Variants in VWA8 observed in about 807,000 individuals in gnomAD.
VWA8 encodes von Willebrand factor A domain-containing protein 8.
A neutral mutation model predicts 241.5 loss-of-function variants in VWA8; 221 were observed. The observed-to-expected ratio is 0.91, with a 90% CI of 0.82 to 1.02. The LOEUF is 1.02. VWA8 is among the 50% of genes least tolerant of loss of function. VWA8 has a pLI of 0.00. For missense variants in VWA8, 2,322 were observed against 2,328.7 expected (o/e 1.00, Z 0.06); for synonymous variants, 852 against 827.1 (o/e 1.03, Z -0.52).
At chr13:41,577,723 G>A (rs1388478338) in intron 42 of VWA8, among the ~76,000 whole-genome samples, 1 of 152,246 alleles carries the variant, frequency 6.6e-6, no homozygotes, top group Non-Finnish European at 1.5e-5. Flanking sequence ...TCTTACACAT[G>A]AGGGAATAAG....
At chr13:41,588,722 GAAA>G (rs35503733) in intron 41 of VWA8, among the ~76,000 whole-genome samples, 2 of 96,752 alleles carry the variant, frequency 2.1e-5, no homozygotes. Flanking sequence ...CCTGTCTCTA[GAAA>G]AAAAAAAAAA....
intron 14 of VWA8, among the ~76,000 whole-genome samples, chr13:41,824,341 T>C (rs1871089675): frequency 6.6e-6 from 1 of 152,172 alleles, no homozygotes; most frequent in Non-Finnish European, 1.5e-5. Context: ...AATTTACAGA[T>C]TAGACACTTT....
At chr13:41,904,298 T>C (rs1050334443) in intron 4 of VWA8, among the ~76,000 whole-genome samples, 3 of 152,280 alleles carry the variant, frequency 2.0e-5, no homozygotes, top group East Asian at 3.9e-4. Context: ...CATTTTCTCT[T>C]CCTTACTATT....
chr13:41,902,291 T>C (rs983543780), intron 4 of VWA8, among the ~76,000 whole-genome samples: 2 of 152,222 alleles, frequency 1.3e-5, no homozygotes, highest in Non-Finnish European at 2.9e-5. Context: ...TAAAAAACAC[T>C]ATAAACTTTA....
intron 4 of VWA8, among the ~76,000 whole-genome samples, chr13:41,898,197 T>C (rs1875223091): frequency 6.9e-6 from 1 of 145,890 alleles, no homozygotes; most frequent in Non-Finnish European, 1.5e-5. Flanking sequence ...GACATAAAGG[T>C]TCTCCAAGGC....
chr13:41,865,289 C>G (rs150373717), intron 12 of VWA8: 6 of 382,430 alleles, frequency 1.6e-5, no homozygotes, highest in African/African-American at 1.1e-4. Flanking sequence ...TGTCAATTAC[C>G]TTATACATTT....
chr13:41,666,766 A>C (rs2044989191), intron 37 of VWA8, among the ~76,000 whole-genome samples: 2 of 152,128 alleles, frequency 1.3e-5, no homozygotes, highest in Non-Finnish European at 2.9e-5. Context: ...AATAAACAAT[A>C]AAAAAATAAT....
At chr13:41,896,242 A>G (rs2138091314) in intron 4 of VWA8, among the ~76,000 whole-genome samples, 1 of 152,216 alleles carries the variant, frequency 6.6e-6, no homozygotes, top group South Asian at 2.1e-4. Context: ...TTTCCTATGT[A>G]AGGAAACTAG....
At chr13:41,874,956 A>G (rs1421359866) in intron 9 of VWA8, among the ~76,000 whole-genome samples, 2 of 152,116 alleles carry the variant, frequency 1.3e-5, no homozygotes, top group Non-Finnish European at 2.9e-5. Flanking sequence ...TTTCAGACAC[A>G]TACTCCTCCA....
intron 21 of VWA8, among the ~76,000 whole-genome samples, chr13:41,750,411 G>A (rs1293286372): frequency 6.6e-6 from 1 of 150,710 alleles, no homozygotes; most frequent in African/African-American, 2.4e-5. Context: ...CCATCCTGGT[G>A]ACAGAGCGAG....
At chr13:41,949,909 A>G (rs750835381) in intron 2 of VWA8, 27 bp downstream of exon 2, 1 of 1,351,550 alleles carries the variant, frequency 7.4e-7, no homozygotes, top group South Asian at 1.4e-5. Flanking sequence ...AAAGTTATTC[A>G]TTCATATATT....
Position 41,615,061 on chromosome 13 carries a change from ACCACTGTCTCTGT to A in VWA8, c.4622_4634del (p.Asn1541MetfsTer4), listed in dbSNP as rs753488479. 2.5e-5 allele frequency: 40 copies of A among 1,613,768 alleles called. No homozygotes were observed. The highest frequency in any genetic ancestry group is 5.1e-6 in the Non-Finnish European group (6 of 1,179,934). On this transcript the variant is annotated frameshift_variant, in exon 38 of 45. Transcript: ENST00000379310. LOFTEE classifies it high-confidence loss of function. ...CGTGTTTGGGGGAGCTTACATCTTC[ACCACTGTCTCTGT>A]TGATTGTTATCTAAAAATGAACAAT...
chr13:41,645,387 T>C (rs1446532797), intron 37 of VWA8, among the ~76,000 whole-genome samples: 1 of 152,238 alleles, frequency 6.6e-6, no homozygotes, highest in Non-Finnish European at 1.5e-5. Flanking sequence ...GTATGAGAAT[T>C]CTACACTCTG....
intron 20 of VWA8, among the ~76,000 whole-genome samples, chr13:41,766,419 GTTGGGAC>G (rs2045779566): frequency 6.6e-6 from 1 of 152,314 alleles, no homozygotes; most frequent in Middle Eastern, 3.4e-3. Context: ...TGGACTAAAT[GTTGGGAC>G]TTGAATGCTG....
At chr13:41,782,067 G>A (rs1179366577) in intron 19 of VWA8, among the ~76,000 whole-genome samples, 2 of 152,172 alleles carry the variant, frequency 1.3e-5, no homozygotes, top group Non-Finnish European at 2.9e-5. Flanking sequence ...GCTACTGTCC[G>A]TACAATTGGT....
chr13:41,902,535 T>C (rs1875506591), intron 4 of VWA8, among the ~76,000 whole-genome samples: 1 of 152,230 alleles, frequency 6.6e-6, no homozygotes, highest in Non-Finnish European at 1.5e-5. Flanking sequence ...TTTGGTTTAT[T>C]TGTTCACTGC....
At chr13:41,729,922 T>C (rs2045469244) in intron 22 of VWA8, among the ~76,000 whole-genome samples, 1 of 152,084 alleles carries the variant, frequency 6.6e-6, no homozygotes, top group Non-Finnish European at 1.5e-5. Flanking sequence ...TCTACAGTTA[T>C]CTTTTTATTT....
At chr13:41,865,871 TAA>T in intron 11 of VWA8, 29 bp downstream of exon 11, 1 of 1,614,128 alleles carries the variant, frequency 6.2e-7, no homozygotes, top group Non-Finnish European at 8.5e-7. Flanking sequence ...GCCAGGAAAC[TAA>T]AAGTCTGCAG....
At chr13:41,917,327 C>G (rs1196756361) in intron 2 of VWA8, among the ~76,000 whole-genome samples, 1 of 152,046 alleles carries the variant, frequency 6.6e-6, no homozygotes, top group African/African-American at 2.4e-5. Flanking sequence ...GTCTTTGAAG[C>G]CAGACAGACC....
Sources: gnomAD v4.1 joint callset for allele counts (sites outside exome capture counted in the v4.1 genomes callset) on GRCh38, gnomAD v4.1.1 for gene constraint, MANE v1.5 for transcripts, NCBI Gene and HGNC (gene_info 2026-07-23, HGNC 2026-07-21) for gene names.